The following SNAPC1 variants were observed in gnomAD, a reference collection of about 807,000 sequenced individuals.
SNAPC1 encodes small nuclear RNA activating complex polypeptide 1, also known as snRNA-activating protein complex subunit 1.
A neutral mutation model predicts 50.1 loss-of-function variants in SNAPC1; 42 were observed. The ratio of observed to expected loss-of-function variants is 0.84; its 90% CI spans 0.65 to 1.08. The LOEUF (loss-of-function observed/expected upper bound fraction) is 1.08, where lower values mean the gene tolerates loss of function less well. Among genes scored for constraint, SNAPC1 ranks in the 50% least tolerant of loss-of-function variants. The pLI is 0.00. For missense variants in SNAPC1, 477 were observed against 427.3 expected (o/e 1.12, Z -1.02); for synonymous variants, 164 against 144.2 (o/e 1.14, Z -0.98).
At chr14:61,764,458 G>A (rs974980107) in intron 1 of SNAPC1, among the ~76,000 whole-genome samples, 3 of 151,714 alleles carry the variant, frequency 2.0e-5, no homozygotes, top group African/African-American at 7.3e-5. Context: ...TTTTTAAATG[G>A]CTACTACATG....
intron 5 of SNAPC1, among the ~76,000 whole-genome samples, chr14:61,777,178 G>A (rs896330289): frequency 2.2e-4 from 34 of 152,122 alleles, no homozygotes; most frequent in African/African-American, 7.7e-4. Flanking sequence ...TATAAAGGAA[G>A]CTGGCTCAAA....
intron 9 of SNAPC1, among the ~76,000 whole-genome samples, chr14:61,794,494 C>T (rs1362807039): frequency 2.0e-5 from 3 of 152,152 alleles, no homozygotes; most frequent in Non-Finnish European, 4.4e-5. Flanking sequence ...CAACCTCCAC[C>T]TCCTGGGTTC....
rs973019501 is a variant in SNAPC1 at position 61,762,527 on chromosome 14, A to G, written c.67A>G (p.Ser23Gly). 2 of 1,458,214 alleles carry G rather than the reference A, an allele frequency of 1.4e-6. No individual in the cohort carries two copies. Among genetic ancestry groups the G allele is most frequent in the East Asian group, 2.7e-5 (1 of 36,912 alleles). 90.3% of individuals were successfully genotyped at this position (1,458,214 alleles called of 1,614,324 possible). The change falls in exon 1 of 10, where the codon AGT (serine) becomes GGT (glycine). Residue 23 changes from serine (S) to glycine (G), a missense_variant. Physicochemically the swap from Ser to Gly is moderately conservative, Grantham distance 56. Transcript: ENST00000216294. ...GCTCAGCCGCTTCCAGGAGACGGAC[A>G]GTGTACGCTTCGAGGACTTCACGGA... The part of the protein sequence containing the change: ...ALLSRFQETD[S>G]VRFEDFTELW...
intron 7 of SNAPC1, among the ~76,000 whole-genome samples, 199 bp from the exon 8 acceptor site, chr14:61,782,048 T>A (rs1453085335): frequency 6.6e-6 from 1 of 152,216 alleles, no homozygotes; most frequent in East Asian, 1.9e-4. Context: ...TGCAGGAAAC[T>A]TCATGTTATA....
At chr14:61,793,314 T>C (rs931936695) in intron 9 of SNAPC1, among the ~76,000 whole-genome samples, 2 of 151,802 alleles carry the variant, frequency 1.3e-5, no homozygotes, top group African/African-American at 4.8e-5. Context: ...AGTGACTTAC[T>C]ACAGCTTCGA....
Position 61,795,019 on chromosome 14 carries a change from T to G in SNAPC1, c.*36T>G. 1 of 1,438,410 alleles carries G rather than the reference T, an allele frequency of 7.0e-7. No homozygotes were observed. Among genetic ancestry groups the G allele is most frequent in the Admixed American group, 2.3e-5 (1 of 44,298 alleles). The allele number at this position is 1,438,410 out of a possible 1,614,324, so 89.1% of individuals were successfully genotyped here. ...TGGTGTAGTTTTTAATTTTGAGTTTTCTGACAGAAGAAAAGATTGATATTT... is the reference window on the plus strand; with the variant it reads ...TGGTGTAGTTTTTAATTTTGAGTTTGCTGACAGAAGAAAAGATTGATATTT... On this transcript the variant is annotated 3_prime_UTR_variant, in exon 10 of 10. Coordinates refer to ENST00000216294, the MANE Select transcript of SNAPC1 (RefSeq NM_003082.4).
intron 7 of SNAPC1, among the ~76,000 whole-genome samples, chr14:61,780,940 T>C (rs1308834658): frequency 1.3e-5 from 2 of 152,218 alleles, no homozygotes; most frequent in Admixed American, 6.5e-5. Context: ...TCCTTGCCAT[T>C]ATTCCTTGAA....
Position 61,767,201 on chromosome 14 carries a change from C to A in SNAPC1, c.289-11C>A. 1 of 1,424,006 alleles carries A rather than the reference C, an allele frequency of 7.0e-7. No individual in the cohort carries two copies. Among genetic ancestry groups the A allele is most frequent in the Non-Finnish European group, 9.2e-7 (1 of 1,083,642 alleles). The allele number at this position is 1,424,006 out of a possible 1,614,324, so 88.2% of individuals were successfully genotyped here. A position where few individuals can be genotyped will look rare whatever the true frequency, so the allele number is the denominator to read the frequency against. ...ACATTTAGTACAACTTTTTTTTCTTCCTGGTTGCAGATCAGAGTTGCCCTG... is the reference window on the plus strand; with the variant it reads ...ACATTTAGTACAACTTTTTTTTCTTACTGGTTGCAGATCAGAGTTGCCCTG... On this transcript the variant is annotated splice_polypyrimidine_tract_variant and intron_variant, in intron 2 of 9. Coordinates refer to ENST00000216294, the MANE Select transcript of SNAPC1 (RefSeq NM_003082.4).
chr14:61,782,452 A>G, intron 8 of SNAPC1, 55 bp downstream of exon 8: 1 of 1,391,416 alleles, frequency 7.2e-7, no homozygotes, highest in Non-Finnish European at 9.8e-7. Context: ...TTTTATTTAC[A>G]ACTTTGCCTC....
intron 5 of SNAPC1, among the ~76,000 whole-genome samples, chr14:61,777,164 G>A (rs1335768787): frequency 6.6e-6 from 1 of 151,996 alleles, no homozygotes; most frequent in African/African-American, 2.4e-5. Flanking sequence ...TTCACTTTCT[G>A]TTATATAAAG....
chr14:61,782,274 G>T lies in SNAPC1; in HGVS notation c.853G>T (p.Val285Phe). Residue 285 changes from valine (V) to phenylalanine (F), a missense_variant, in exon 8 of 10, where the codon GTC becomes TTC. Coordinates refer to ENST00000216294, the MANE Select transcript of SNAPC1 (RefSeq NM_003082.4). ...QASKSRRHRQVKLDSSDSDSA... is the reference protein window; with the variant it reads ...QASKSRRHRQFKLDSSDSDSA... ...ATCCAAATCAAGAAGGCATCGTCAAGTCAAACTCGACTCTTCTGACTCTGA... is the reference window on the plus strand; with the variant it reads ...ATCCAAATCAAGAAGGCATCGTCAATTCAAACTCGACTCTTCTGACTCTGA... 1 of 1,605,972 alleles carries T rather than the reference G, an allele frequency of 6.2e-7. No individual in the cohort carries two copies. The highest frequency in any genetic ancestry group is 8.5e-7 in the Non-Finnish European group (1 of 1,177,596).
intron 8 of SNAPC1, among the ~76,000 whole-genome samples, chr14:61,785,560 AC>A (rs2140184048): frequency 6.6e-6 from 1 of 152,284 alleles, no homozygotes; most frequent in South Asian, 2.1e-4. Context: ...CTGTGATACA[AC>A]CTCAGGAAGT....
intron 9 of SNAPC1, among the ~76,000 whole-genome samples, chr14:61,793,661 CT>C (rs71117855): frequency 8.4e-5 from 11 of 130,558 alleles, no homozygotes; most frequent in Admixed American, 1.7e-4. Context: ...TTCTTTTTTT[CT>C]TTTTTTTTTT....
chr14:61,794,000 G>T (rs890957453), intron 9 of SNAPC1, among the ~76,000 whole-genome samples: 2 of 151,990 alleles, frequency 1.3e-5, no homozygotes, highest in Non-Finnish European at 2.9e-5. Flanking sequence ...TCATGTTTTT[G>T]TGTTTTCTAT....
intron 4 of SNAPC1, among the ~76,000 whole-genome samples, chr14:61,771,281 G>T (rs2044989262): frequency 6.6e-6 from 1 of 152,118 alleles, no homozygotes; most frequent in South Asian, 2.1e-4. Context: ...TTTAAAAATA[G>T]GGGTTTTTAT....
chr14:61,770,953 G>A (rs1375160710), intron 4 of SNAPC1, among the ~76,000 whole-genome samples: 1 of 152,040 alleles, frequency 6.6e-6, no homozygotes, highest in African/African-American at 2.4e-5. Context: ...TGTTGCCCAG[G>A]GTGGTCTCAA....
intron 7 of SNAPC1, among the ~76,000 whole-genome samples, chr14:61,780,676 G>A (rs1413360547): frequency 6.6e-6 from 1 of 152,166 alleles, no homozygotes; most frequent in African/African-American, 2.4e-5. Context: ...CAGAAGCTCT[G>A]TAGTTTAATT....
intron 4 of SNAPC1, among the ~76,000 whole-genome samples, chr14:61,771,506 G>T (rs984926206): frequency 2.0e-5 from 3 of 152,192 alleles, no homozygotes; most frequent in African/African-American, 7.2e-5. Flanking sequence ...AGCTTAGTGA[G>T]AAAGAGGTAG....
chr14:61,779,759 A>AGTGCAATG (rs2045058928), intron 7 of SNAPC1, among the ~76,000 whole-genome samples: 2 of 126,348 alleles, frequency 1.6e-5, no homozygotes, highest in Non-Finnish European at 3.1e-5. Context: ...CCCAGGCTGG[A>AGTGCAATG]GTGCAATGGT....
Sources: gnomAD v4.1 joint callset for allele counts (sites outside exome capture counted in the v4.1 genomes callset) on GRCh38, gnomAD v4.1.1 for gene constraint, MANE v1.5 for transcripts, NCBI Gene and HGNC (gene_info 2026-07-23, HGNC 2026-07-21) for gene names.